Variants in FBXW11 observed in about 807,000 individuals in gnomAD.
The protein encoded by FBXW11 is F-box and WD repeat domain containing 11, also known as F-box/WD repeat-containing protein 11.
FBXW11 carries 19 observed loss-of-function variants against 77.6 expected under a neutral mutation model. The ratio of observed to expected loss-of-function variants is 0.24; its 90% CI spans 0.17 to 0.36. The LOEUF (loss-of-function observed/expected upper bound fraction) is 0.36. Ranked by LOEUF, FBXW11 falls within the 10% of genes least tolerant of loss-of-function variation. The pLI, the probability that FBXW11 is intolerant of heterozygous loss-of-function variation, is 1.00. For missense variants in FBXW11, 334 were observed against 704.2 expected (o/e 0.47, Z 5.95); for synonymous variants, 235 against 249.4 (o/e 0.94, Z 0.54).
At chr5:171,971,437 T>A (rs1764525733) in intron 1 of FBXW11, among the ~76,000 whole-genome samples, 1 of 152,224 alleles carries the variant, frequency 6.6e-6, no homozygotes, top group Non-Finnish European at 1.5e-5. Context: ...ATGCGTTGTA[T>A]GTAACTTTAC....
intron 1 of FBXW11, among the ~76,000 whole-genome samples, chr5:171,967,398 T>A (rs991039845): frequency 6.6e-5 from 10 of 152,196 alleles, no homozygotes; most frequent in African/African-American, 2.4e-4. Context: ...ATAGAAATCA[T>A]GCTATACGAA....
At chr5:171,936,576 TA>T (rs1185075843) in intron 2 of FBXW11, among the ~76,000 whole-genome samples, 3 of 147,014 alleles carry the variant, frequency 2.0e-5, no homozygotes. Context: ...AACCTCTCTA[TA>T]AAAAGAAATT....
At chr5:171,881,049 G>A (rs903074882) in intron 7 of FBXW11, among the ~76,000 whole-genome samples, 1 of 152,274 alleles carries the variant, frequency 6.6e-6, no homozygotes, top group East Asian at 1.9e-4. Context: ...TGCTATATGG[G>A]TAAGCAACTG....
At chr5:171,893,420 C>CAAAAAAAAAAAAAA (rs1561656713) in intron 6 of FBXW11, among the ~76,000 whole-genome samples, 1 of 4,532 alleles carries the variant, frequency 2.2e-4, no homozygotes, top group Admixed American at 5.0e-3. Context: ...CACTTCAAAA[C>CAAAAAAAAAAAAAA]CAAAAAAAAA....
In FBXW11 at chr5:171,957,667, C is replaced by A. The variant is rs779633937; in HGVS notation, c.77G>T (p.Cys26Phe). Residue 26 changes from cysteine (C) to phenylalanine (F), a missense_variant, in exon 2 of 14, where the codon TGC (cysteine) becomes TTC (phenylalanine). By Grantham distance (205) the Cys-to-Phe change is radical. Around this residue, in one of 10 missense-constraint regions of FBXW11, gnomAD observed 80 missense variants for 105.1 expected, o/e 0.76. Coordinates refer to ENST00000517395, the MANE Select transcript of FBXW11 (RefSeq NM_001378974.1). ...GCACATGCTCTCTACCAGGTTGGCG[C>A]AGCCTAGCCACAAAGACCTTGGCAC... ...CSVPRSLWLG[C>F]ANLVESMCAL... The A allele has an allele frequency of 1.2e-6, 2 of 1,614,116 alleles. No individual in the cohort carries two copies. The highest frequency in any genetic ancestry group is 2.2e-5 in the South Asian group (2 of 91,090).
intron 1 of FBXW11, 99 bp from the exon 2 acceptor site, chr5:171,957,797 G>T: frequency 1.0e-6 from 1 of 1,004,242 alleles, no homozygotes; most frequent in Non-Finnish European, 1.6e-6. Context: ...GGGGCAGGGG[G>T]TGCACCCTTG....
At chr5:171,965,468 G>C (rs1186162379) in intron 1 of FBXW11, among the ~76,000 whole-genome samples, 13 of 151,616 alleles carry the variant, frequency 8.6e-5, no homozygotes, top group Admixed American at 8.5e-4. Context: ...AGAGGTTACA[G>C]GGAGCTGAGA....
In FBXW11 at chr5:172,006,580, G is replaced by C; in HGVS notation, c.-78C>G. 1 of 1,419,830 alleles carries C rather than the reference G, an allele frequency of 7.0e-7. No homozygotes were observed. The allele number at this position is 1,419,830 out of a possible 1,614,324, so 88.0% of individuals were successfully genotyped here. On this transcript the variant is annotated 5_prime_UTR_variant, in exon 1 of 14. Transcript: ENST00000517395. The stretch of plus-strand genomic sequence containing the variant: ...GGCGGAGGAGGCGACGGCGGAGGCG[G>C]CAGAGGCGGAGGCGGCTATCGCACC...
intron 10 of FBXW11, among the ~76,000 whole-genome samples, chr5:171,872,350 G>A (rs1371224652): frequency 1.3e-5 from 2 of 152,180 alleles, no homozygotes; most frequent in Admixed American, 1.3e-4. Context: ...TGGGGAAATG[G>A]CATGGGATAA....
At chr5:171,967,794 AC>A (rs1764275910) in intron 1 of FBXW11, among the ~76,000 whole-genome samples, 1 of 149,056 alleles carries the variant, frequency 6.7e-6, no homozygotes, top group African/African-American at 2.5e-5. Context: ...AGCCAAGATC[AC>A]GCCACTGCAC....
rs1554099794 is a variant in FBXW11, at chr5:171,913,838, C to CACAT, written c.210+504_210+505insATGT. Among the ~76,000 whole-genome samples, 9 of 63,860 alleles carry CACAT rather than the reference C, an allele frequency of 1.4e-4. No individual in the cohort carries two copies. The East Asian group carries it at 3.2e-3, about 23-fold the overall frequency. The allele number at this position is 63,860 out of a possible 152,430, so 41.9% of individuals were successfully genotyped here. A position where few individuals can be genotyped will look rare whatever the true frequency, so the allele number is the denominator to read the frequency against. On this transcript the variant is annotated intron_variant, in intron 3 of 13. Transcript: ENST00000517395. Reference sequence around the variant, plus strand: ...ACACATACACACACACACACACACACACACACACACACACACACACACACA... The same window carrying CACAT: ...ACACATACACACACACACACACACACACATACACACACACACACACACACACACA...
chr5:171,900,083 T>C lies in FBXW11; in HGVS notation c.454A>G (p.Ile152Val). The C allele has an allele frequency of 6.2e-7, 1 of 1,613,202 alleles. No homozygotes were observed. Among genetic ancestry groups the C allele is most frequent in the Non-Finnish European group, 8.5e-7 (1 of 1,179,396 alleles). ...TALPEQGLDH[I>V]AENILSYLDA... The stretch of plus-strand genomic sequence containing the variant: ...AGGTACGAAAGAATGTTTTCTGCTA[T>C]GTGATCTAAGCCTTGCTCTACAAAA... Residue 152 changes from isoleucine to valine, a missense_variant, in exon 5 of 14, where the codon ATA becomes GTA. Ile to Val is a conservative substitution (Grantham distance 29). Around this residue, in one of 10 missense-constraint regions of FBXW11, gnomAD observed 56 missense variants for 144.9 expected, o/e 0.39. Coordinates refer to ENST00000517395, the MANE Select transcript of FBXW11 (RefSeq NM_001378974.1).
chr5:171,943,317 T>C (rs554892316), intron 2 of FBXW11, among the ~76,000 whole-genome samples: 1 of 152,318 alleles, frequency 6.6e-6, no homozygotes, highest in African/African-American at 2.4e-5. Flanking sequence ...TTAAGTAGTT[T>C]GTGAGTAACT....
At chr5:171,999,112 A>T (rs2113604447) in intron 1 of FBXW11, among the ~76,000 whole-genome samples, 1 of 152,314 alleles carries the variant, frequency 6.6e-6, no homozygotes, top group South Asian at 2.1e-4. Flanking sequence ...ATCCCAAGCA[A>T]ATAATGAGTT....
At chr5:171,910,857 T>C in intron 3 of FBXW11, 60 bp from the exon 4 acceptor site, 1 of 1,193,588 alleles carries the variant, frequency 8.4e-7, no homozygotes, top group South Asian at 1.6e-5. Flanking sequence ...AATTAATATT[T>C]CATTAGAAAT....
chr5:171,904,166 G>A lies in FBXW11; in HGVS notation c.437-4066C>T, dbSNP rs1372924755. 4.3e-5 allele frequency among the ~76,000 whole-genome samples: 6 copies of A among 138,968 alleles called. No homozygotes were observed. The highest frequency in any genetic ancestry group is 6.1e-5 in the Non-Finnish European group (4 of 65,060). 91.2% of individuals were successfully genotyped at this position (138,968 alleles called of 152,430 possible). ...ACAAAAATTAGCCATGGTGGCACAC[G>A]CCTGTAATCCCAGCTACTTGGCAGG... is the stretch of plus-strand genomic sequence containing the variant. On this transcript the variant is annotated intron_variant, in intron 4 of 13. Transcript: ENST00000517395. The surrounding 1 kb of genome is among the most constrained non-coding windows in gnomAD (Gnocchi z 4.0).
Position 171,972,001 on chromosome 5 carries a change from A to G in FBXW11, c.46-14303T>C, listed in dbSNP as rs572344886. Among the ~76,000 whole-genome samples the G allele has an allele frequency of 2.1e-3, 318 of 150,074 alleles. 1 individual carries two copies. The highest frequency in any genetic ancestry group is 7.7e-3 in the African/African-American group (310 of 40,490). On this transcript the variant is annotated intron_variant, in intron 1 of 13. Coordinates refer to ENST00000517395, the MANE Select transcript of FBXW11 (RefSeq NM_001378974.1). Reference sequence around the variant, plus strand: ...AATCCCAGAATTTTGGGAGGCTGACACAGGAGAATTGCTTGAGCCCAGGAG... The same window carrying G: ...AATCCCAGAATTTTGGGAGGCTGACGCAGGAGAATTGCTTGAGCCCAGGAG...
intron 1 of FBXW11, among the ~76,000 whole-genome samples, chr5:171,982,931 G>A (rs1335916674): frequency 2.0e-5 from 3 of 152,196 alleles, no homozygotes; most frequent in Non-Finnish European, 4.4e-5. Flanking sequence ...GATGTGAGCA[G>A]TGGCTCATTC....
chr5:171,967,881 T>TACACAC (rs1284088153), intron 1 of FBXW11, among the ~76,000 whole-genome samples: 3 of 64,920 alleles, frequency 4.6e-5, no homozygotes, highest in African/African-American at 1.9e-4. Flanking sequence ...TATATATATA[T>TACACAC]ATACACACAC....
Sources: allele counts gnomAD v4.1 joint callset (sites outside exome capture counted in the v4.1 genomes callset), GRCh38; gene constraint gnomAD v4.1.1; regional missense constraint gnomAD v4.1.1; non-coding constraint Gnocchi (gnomAD v3.1); transcripts MANE v1.5; gene names NCBI Gene and HGNC (gene_info 2026-07-23, HGNC 2026-07-21).